Variants in CSMD1 observed in about 807,000 individuals in gnomAD.
CSMD1 encodes the protein CUB and sushi domain-containing protein 1.
In CSMD1, 213 loss-of-function variants were observed where a neutral mutation model predicts 417.5. The ratio of observed to expected loss-of-function variants is 0.51; its 90% CI spans 0.46 to 0.57. The LOEUF is 0.57. Among genes scored for constraint, CSMD1 ranks in the 20% least tolerant of loss-of-function variants. The pLI is 0.00. For synonymous variants in CSMD1, 2,862 were observed against 1,736.8 expected (o/e 1.65, Z -16.11); for missense variants, 6,923 against 4,529.7 (o/e 1.53, Z -15.17).
At chr8:4,541,289 G>A (rs558472727) in intron 2 of CSMD1, among the ~76,000 whole-genome samples, 174 of 152,260 alleles carry the variant, frequency 1.1e-3, no homozygotes, top group African/African-American at 4.0e-3. Flanking sequence ...CTACTGGCAC[G>A]TGCTGATCAT....
chr8:4,223,941 T>C (rs1327217943), intron 3 of CSMD1, among the ~76,000 whole-genome samples: 2 of 152,188 alleles, frequency 1.3e-5, no homozygotes, highest in South Asian at 2.1e-4. Flanking sequence ...CAGGGGTCCT[T>C]TGTGCTTGAA....
intron 5 of CSMD1, among the ~76,000 whole-genome samples, chr8:3,762,608 T>G (rs1333938659): frequency 2.0e-5 from 3 of 152,324 alleles, no homozygotes; most frequent in South Asian, 2.1e-4. Flanking sequence ...GCCCATGACT[T>G]GGCCCTAAGC....
At chr8:3,778,432 C>T (rs1189531460) in intron 5 of CSMD1, among the ~76,000 whole-genome samples, 1 of 152,210 alleles carries the variant, frequency 6.6e-6, no homozygotes, top group Non-Finnish European at 1.5e-5. Context: ...TGATCTCTTT[C>T]CACTTCCAGC....
chr8:4,480,834 T>C (rs1801058714), intron 2 of CSMD1, among the ~76,000 whole-genome samples: 1 of 152,144 alleles, frequency 6.6e-6, no homozygotes, highest in Admixed American at 6.5e-5. Context: ...CACATTCAGG[T>C]TTTGTCACAC....
intron 5 of CSMD1, among the ~76,000 whole-genome samples, chr8:3,966,677 A>G (rs1205758882): frequency 1.3e-5 from 2 of 152,038 alleles, no homozygotes; most frequent in African/African-American, 2.4e-5. Flanking sequence ...GTTTCATGCT[A>G]TCTGCCACCA....
intron 3 of CSMD1, among the ~76,000 whole-genome samples, chr8:4,212,174 T>A (rs922235638): frequency 2.1e-5 from 3 of 145,754 alleles, no homozygotes; most frequent in African/African-American, 5.0e-5. Context: ...ACTTCCCTAT[T>A]TATATATATA....
chr8:3,763,776 C>A (rs1584960565), intron 5 of CSMD1, among the ~76,000 whole-genome samples: 1 of 152,078 alleles, frequency 6.6e-6, no homozygotes, highest in South Asian at 2.1e-4. Context: ...GGACAATGAC[C>A]AGGGCTCCAT....
At chr8:4,839,546 A>G (rs1293369861) in intron 1 of CSMD1, among the ~76,000 whole-genome samples, 1 of 152,196 alleles carries the variant, frequency 6.6e-6, no homozygotes, top group African/African-American at 2.4e-5. Context: ...TTCCACAAGA[A>G]TGGACCACTA....
intron 10 of CSMD1, among the ~76,000 whole-genome samples, chr8:3,500,202 A>G (rs1302206116): frequency 6.6e-6 from 1 of 152,112 alleles, no homozygotes; most frequent in African/African-American, 2.4e-5. Flanking sequence ...TTGCTTCAGT[A>G]CAGTGTTCTC....
intron 7 of CSMD1, among the ~76,000 whole-genome samples, chr8:3,683,012 C>T (rs758725347): frequency 6.6e-6 from 1 of 151,892 alleles, no homozygotes; most frequent in South Asian, 2.1e-4. Context: ...CACATGGACA[C>T]AGGAAGGGGA....
At chr8:3,056,232 A>C (rs759320337) in intron 49 of CSMD1, among the ~76,000 whole-genome samples, 85 of 152,250 alleles carry the variant, frequency 5.6e-4, no homozygotes, top group Admixed American at 1.1e-3. Flanking sequence ...GATTTCAAAA[A>C]AGTAAGTAGA....
intron 12 of CSMD1, among the ~76,000 whole-genome samples, chr8:3,412,563 A>G (rs1368300337): frequency 1.3e-5 from 2 of 152,188 alleles, no homozygotes; most frequent in Non-Finnish European, 2.9e-5. Context: ...TACATAGGAT[A>G]TCACCAACTT....
At chr8:4,164,125 A>C (rs1563208740) in intron 3 of CSMD1, among the ~76,000 whole-genome samples, 2 of 151,746 alleles carry the variant, frequency 1.3e-5, no homozygotes, top group African/African-American at 4.8e-5. Context: ...AAATTTTATT[A>C]TACCTGATAG....
At chr8:3,812,482 G>C (rs890902466) in intron 5 of CSMD1, among the ~76,000 whole-genome samples, 7 of 152,154 alleles carry the variant, frequency 4.6e-5, no homozygotes, top group African/African-American at 1.4e-4. Context: ...CCTTGAAATG[G>C]TCCATGTTCT....
chr8:4,723,383 G>T (rs1809190736), intron 1 of CSMD1, among the ~76,000 whole-genome samples: 2 of 152,086 alleles, frequency 1.3e-5, no homozygotes, highest in South Asian at 4.1e-4. Flanking sequence ...TGAAAAACAT[G>T]TTGCCATTTC....
chr8:3,162,229 A>G lies in CSMD1; in HGVS notation c.5774T>C (p.Ile1925Thr). The change falls in exon 38 of 70, where the codon ATC becomes ACC. Residue 1925 changes from isoleucine (I) to threonine (T), a missense_variant. Transcript: ENST00000635120. ...CQEPALPSNS[I>T]KIGDRYMVND... ...CACCATGTACCGATCTCCGATTTTGATGCTGTTGCTGGGGAGGGCTGGTTC... is the reference window on the plus strand; with the variant it reads ...CACCATGTACCGATCTCCGATTTTGGTGCTGTTGCTGGGGAGGGCTGGTTC... 3 of 1,611,684 alleles carry G rather than the reference A, an allele frequency of 1.9e-6. No homozygotes were observed. Among genetic ancestry groups the G allele is most frequent in the Non-Finnish European group, 2.5e-6 (3 of 1,178,980 alleles).
intron 23 of CSMD1, among the ~76,000 whole-genome samples, chr8:3,311,093 C>CCTAACTAA (rs140954311): frequency 2.0e-5 from 3 of 151,674 alleles, no homozygotes; most frequent in Non-Finnish European, 4.4e-5. Context: ...ATGTAATATA[C>CCTAACTAA]CTAACTAACT....
At chr8:4,801,079 A>C (rs1345530985) in intron 1 of CSMD1, among the ~76,000 whole-genome samples, 1 of 152,242 alleles carries the variant, frequency 6.6e-6, no homozygotes, top group Non-Finnish European at 1.5e-5. Context: ...ACAGATCTGA[A>C]ATGATAAATT....
chr8:3,196,950 G>A (rs1261240642), intron 33 of CSMD1, among the ~76,000 whole-genome samples: 3 of 152,120 alleles, frequency 2.0e-5, no homozygotes, highest in South Asian at 4.2e-4. Flanking sequence ...AAGGGTCACT[G>A]GCCACAGCCT....
Sources: gnomAD v4.1 joint callset for allele counts (sites outside exome capture counted in the v4.1 genomes callset) on GRCh38, gnomAD v4.1.1 for gene constraint, MANE v1.5 for transcripts, NCBI Gene and HGNC (gene_info 2026-07-23, HGNC 2026-07-21) for gene names.